The following HYCC1 variants were observed in gnomAD, a reference collection of about 807,000 sequenced individuals.
HYCC1 encodes hyccin PI4KA lipid kinase complex subunit 1.
At chr7:22,983,971 A>AT in the HYCC1 span, 81 of 1,604,400 alleles carry the variant, frequency 5.0e-5, no homozygotes, top group Non-Finnish European at 6.5e-5. Context: ...GGATAACTTT[A>AT]TAGAGAGATG....
the HYCC1 span, among the ~76,000 whole-genome samples, chr7:23,011,000 A>G: frequency 6.6e-6 from 1 of 152,060 alleles, no homozygotes; most frequent in African/African-American, 2.4e-5. Flanking sequence ...TTACCTATGG[A>G]CTCCTGACAA....
the HYCC1 span, among the ~76,000 whole-genome samples, chr7:22,981,467 G>C: frequency 6.6e-6 from 1 of 152,180 alleles, no homozygotes; most frequent in Admixed American, 6.5e-5. Flanking sequence ...AGGTTAAAAT[G>C]TTAAAGTAGA....
the HYCC1 span, among the ~76,000 whole-genome samples, chr7:22,964,738 T>C: frequency 4.6e-5 from 7 of 152,314 alleles, no homozygotes; most frequent in African/African-American, 1.4e-4. Flanking sequence ...CTGAGGTATG[T>C]TGATACACAG....
chr7:22,917,968 TAACA>T, the HYCC1 span, among the ~76,000 whole-genome samples: 8 of 152,298 alleles, frequency 5.3e-5, no homozygotes, highest in East Asian at 1.5e-3. Context: ...AATCCTTCTT[TAACA>T]AACAATTGCT....
At chr7:22,908,199 A>G in the HYCC1 span, among the ~76,000 whole-genome samples, 1 of 152,228 alleles carries the variant, frequency 6.6e-6, no homozygotes, top group Non-Finnish European at 1.5e-5. Flanking sequence ...AGTTCCATAC[A>G]ATGGAGTGGT....
chr7:22,962,133 G>A, the HYCC1 span, among the ~76,000 whole-genome samples: 9 of 152,120 alleles, frequency 5.9e-5, no homozygotes, highest in African/African-American at 1.9e-4. Flanking sequence ...GGTAACAAGG[G>A]CTTCCACATA....
chr7:22,975,427 T>C, the HYCC1 span, among the ~76,000 whole-genome samples: 1 of 152,190 alleles, frequency 6.6e-6, no homozygotes, highest in Non-Finnish European at 1.5e-5. Context: ...AATGTGAATA[T>C]ACTATACTCA....
At chr7:22,960,420 G>A in the HYCC1 span, 3 of 1,610,026 alleles carry the variant, frequency 1.9e-6, no homozygotes, top group Non-Finnish European at 2.5e-6. Context: ...AGCAACCTAA[G>A]GAGAAAAAAT....
chr7:22,939,602 A>G, the HYCC1 span: 1 of 152,226 alleles, frequency 6.6e-6, no homozygotes, highest in African/African-American at 2.4e-5. Context: ...CTTTGATTTT[A>G]TCTTACCTTA....
At chr7:22,897,568 C>T in the HYCC1 span, among the ~76,000 whole-genome samples, 1 of 152,170 alleles carries the variant, frequency 6.6e-6, no homozygotes, top group African/African-American at 2.4e-5. Context: ...ATAGTACGTG[C>T]AGGTAGCTTG....
At chr7:23,009,383 T>G in the HYCC1 span, among the ~76,000 whole-genome samples, 2,453 of 152,268 alleles carry the variant, frequency 0.016, 71 homozygotes, top group African/African-American at 0.056. Context: ...GCACCAAAAT[T>G]AGGGATGCCT....
the HYCC1 span, among the ~76,000 whole-genome samples, chr7:22,972,431 A>T: frequency 6.6e-6 from 1 of 152,206 alleles, no homozygotes. Context: ...AGCTAAACAA[A>T]ATCAGAGCTG....
chr7:22,923,391 G>T, the HYCC1 span, among the ~76,000 whole-genome samples: 1 of 152,122 alleles, frequency 6.6e-6, no homozygotes, highest in African/African-American at 2.4e-5. Flanking sequence ...AAACTTGTTG[G>T]ACATGGCTAA....
At chr7:22,957,544 G>GA in the HYCC1 span, among the ~76,000 whole-genome samples, 1 of 151,922 alleles carries the variant, frequency 6.6e-6, no homozygotes, top group South Asian at 2.1e-4. Context: ...AGGAGAAAGA[G>GA]GAAAAAAAGA....
At chr7:22,991,006 C>T in the HYCC1 span, 1,563 of 1,203,162 alleles carry the variant, frequency 1.3e-3, 4 homozygotes, top group Middle Eastern at 2.5e-3. Flanking sequence ...GGAATTTAAA[C>T]GCCAGACAAA....
At chr7:22,914,448 C>T in the HYCC1 span, among the ~76,000 whole-genome samples, 7 of 152,172 alleles carry the variant, frequency 4.6e-5, no homozygotes, top group Admixed American at 6.5e-5. Flanking sequence ...CTTCAACTCT[C>T]GCCTGACCTA....
the HYCC1 span, among the ~76,000 whole-genome samples, chr7:22,931,714 G>C: frequency 1.3e-5 from 2 of 152,160 alleles, no homozygotes; most frequent in African/African-American, 4.8e-5. Flanking sequence ...GAACATTGAA[G>C]ATGCTTCTGG....
chr7:22,924,334 T>C, the HYCC1 span, among the ~76,000 whole-genome samples: 1 of 151,918 alleles, frequency 6.6e-6, no homozygotes, highest in Non-Finnish European at 1.5e-5. Flanking sequence ...GGACAGTGGG[T>C]GCAGGACAGT....
the HYCC1 span, among the ~76,000 whole-genome samples, chr7:22,924,177 CAAAAAA>C: frequency 1.0e-5 from 1 of 95,438 alleles, no homozygotes; most frequent in Admixed American, 1.1e-4. Flanking sequence ...GACTCTGTAT[CAAAAAA>C]AAAAAAAAAA....
Sources: allele counts gnomAD v4.1 joint callset (sites outside exome capture counted in the v4.1 genomes callset), GRCh38; gene constraint gnomAD v4.1.1; transcripts MANE v1.5; gene names NCBI Gene and HGNC (gene_info 2026-07-23, HGNC 2026-07-21).